The following BCAP29 variants were observed in gnomAD, a reference collection of about 807,000 sequenced individuals.
The protein encoded by BCAP29 is B-cell receptor-associated protein 29.
Under a neutral mutation model 31.8 loss-of-function variants are expected in BCAP29, and 34 were observed. The ratio of observed to expected loss-of-function variants is 1.07; its 90% confidence interval spans 0.81 to 1.42. The LOEUF (loss-of-function observed/expected upper bound fraction) is 1.42, where lower values mean the gene tolerates loss of function less well. Ranked by LOEUF, BCAP29 falls within the 40% of genes most tolerant of loss-of-function variation. The pLI is 0.00. For missense variants in BCAP29, 314 were observed against 269.2 expected (o/e 1.17, Z -1.16); for synonymous variants, 104 against 91.3 (o/e 1.14, Z -0.79).
intron 6 of BCAP29, among the ~76,000 whole-genome samples, chr7:107,606,168 T>C (rs188554172): frequency 1.3e-5 from 2 of 152,228 alleles, no homozygotes; most frequent in Admixed American, 6.5e-5. Flanking sequence ...GCTGTTCATA[T>C]AGCTTTTGCT....
intron 2 of BCAP29, among the ~76,000 whole-genome samples, chr7:107,583,376 T>C (rs1488719291): frequency 6.6e-6 from 1 of 152,144 alleles, no homozygotes; most frequent in Non-Finnish European, 1.5e-5. Flanking sequence ...ATGTGTATAA[T>C]ACCTGGGTAG....
Position 107,594,053 on chromosome 7 carries a change from T to C in BCAP29, c.292T>C (p.Phe98Leu), listed in dbSNP as rs753081487. The change falls in exon 4 of 8, where the codon TTT becomes CTT. Residue 98 changes from phenylalanine (F) to leucine (L), a missense_variant. Coordinates refer to ENST00000005259, the MANE Select transcript of BCAP29 (RefSeq NM_018844.4). ...CTATGAACACACACAGATGAAACTT[T>C]TTAGGTCTCAAAGAAATCTTTACAT... ...DAYEHTQMKL[F>L]RSQRNLYISG... 4.3e-6 allele frequency: 7 copies of C among 1,613,834 alleles called. No individual in the cohort carries two copies. In the South Asian group the frequency reaches 5.5e-5, roughly 13 times the overall value.
In BCAP29 at chr7:107,620,327, T is replaced by G. The variant is rs1298793032; in HGVS notation, c.*1964T>G. On this transcript the variant is annotated 3_prime_UTR_variant, in exon 8 of 8. Transcript: ENST00000005259. The stretch of plus-strand genomic sequence containing the variant: ...GCTAAACATAAAATATTGCAGTGTA[T>G]TAGCCGGCTGTGGCTCCAGAGTCTG... 2 of 152,232 alleles carry G rather than the reference T, an allele frequency of 1.3e-5. No individual in the cohort carries two copies. The highest frequency in any genetic ancestry group is 4.8e-5 in the African/African-American group (2 of 41,462). 9.4% of individuals were successfully genotyped at this position (152,232 alleles called of 1,614,324 possible).
Position 107,618,775 on chromosome 7 carries a change from AAT to A in BCAP29, c.*414_*415del. 2 of 492,036 alleles carry A rather than the reference AAT, an allele frequency of 4.1e-6. No homozygotes were observed. Among genetic ancestry groups the A allele is most frequent in the Non-Finnish European group, 3.6e-6 (1 of 280,434 alleles). The allele number at this position is 492,036 out of a possible 1,614,324, so 30.5% of individuals were successfully genotyped here. On this transcript the variant is annotated 3_prime_UTR_variant, in exon 8 of 8. Coordinates refer to ENST00000005259, the MANE Select transcript of BCAP29 (RefSeq NM_018844.4). Reference sequence around the variant, plus strand: ...TTAATCAGATGATGATGTGTTTGAAAATAGTGTTCAATATCAGCAAATTTGTA... The same window carrying A: ...TTAATCAGATGATGATGTGTTTGAAAAGTGTTCAATATCAGCAAATTTGTA...
chr7:107,586,728 C>CCTT (rs1563126317), intron 3 of BCAP29, among the ~76,000 whole-genome samples: 6 of 131,590 alleles, frequency 4.6e-5, no homozygotes, highest in African/African-American at 1.4e-4. Flanking sequence ...TGTATTTATT[C>CCTT]TTTTTTTTTT....
intron 2 of BCAP29, among the ~76,000 whole-genome samples, chr7:107,582,984 G>A (rs1806975283): frequency 6.6e-6 from 1 of 152,046 alleles, no homozygotes; most frequent in Non-Finnish European, 1.5e-5. Context: ...GTTACTTGAA[G>A]TTGTCCTAAT....
intron 2 of BCAP29, among the ~76,000 whole-genome samples, chr7:107,583,102 A>G (rs1169385975): frequency 1.3e-5 from 2 of 152,066 alleles, no homozygotes; most frequent in African/African-American, 4.8e-5. Context: ...CCTTTCAACT[A>G]AAGTGTTACT....
intron 7 of BCAP29, chr7:107,615,145 C>G: frequency 2.2e-6 from 1 of 452,092 alleles, no homozygotes; most frequent in South Asian, 1.6e-5. Context: ...TTGAATGTCT[C>G]CATTGTTGAA....
At chr7:107,614,809 G>A (rs1409360369) in intron 7 of BCAP29, among the ~76,000 whole-genome samples, 2 of 152,204 alleles carry the variant, frequency 1.3e-5, no homozygotes, top group Admixed American at 6.5e-5. Flanking sequence ...GAGCAGATAG[G>A]TAGATTGTCA....
chr7:107,583,006 A>C (rs1425246565), intron 2 of BCAP29, among the ~76,000 whole-genome samples: 1 of 152,076 alleles, frequency 6.6e-6, no homozygotes, highest in Non-Finnish European at 1.5e-5. Flanking sequence ...TTAAATCTTA[A>C]ATGTGTCCTA....
chr7:107,580,101 C>T (rs1475133717), upstream of BCAP29: 3 of 152,272 alleles, frequency 2.0e-5, no homozygotes, highest in Non-Finnish European at 4.4e-5. Context: ...TCTGACCTGC[C>T]GCCAATTAGA....
At chr7:107,611,185 C>T (rs1228389494) in intron 6 of BCAP29, among the ~76,000 whole-genome samples, 1 of 152,156 alleles carries the variant, frequency 6.6e-6, no homozygotes, top group Non-Finnish European at 1.5e-5. Flanking sequence ...AGCCACGCCT[C>T]CCAATACGAT....
rs60442346 is a variant in BCAP29, at chr7:107,599,216, T to TAAATAATTATATATATTTATATATAA, written c.481-1180_481-1179insAATAATTATATATATTTATATATAAA. 5.5e-4 allele frequency among the ~76,000 whole-genome samples: 9 copies of TAAATAATTATATATATTTATATATAA among 16,316 alleles called. 1 individual carries two copies. Among genetic ancestry groups the TAAATAATTATATATATTTATATATAA allele is most frequent in the African/African-American group, 3.0e-3 (9 of 3,006 alleles). 10.7% of individuals were successfully genotyped at this position (16,316 alleles called of 152,430 possible). ...ATATAAATACATATTTATAAATATATATATACATAATTATATATATTTATA... is the reference window on the plus strand; with the variant it reads ...ATATAAATACATATTTATAAATATATAAATAATTATATATATTTATATATAAATATACATAATTATATATATTTATA... On this transcript the variant is annotated intron_variant, in intron 5 of 7. Transcript: ENST00000005259.
At chr7:107,591,237 G>A (rs1229839128) in intron 3 of BCAP29, among the ~76,000 whole-genome samples, 1 of 152,188 alleles carries the variant, frequency 6.6e-6, no homozygotes, top group Non-Finnish European at 1.5e-5. Context: ...AGGCATTTTT[G>A]TAGCAGTTGA....
chr7:107,597,727 A>T (rs191211677), intron 5 of BCAP29, among the ~76,000 whole-genome samples: 124 of 152,220 alleles, frequency 8.1e-4, no homozygotes, highest in African/African-American at 2.9e-3. Flanking sequence ...AAGCAGCCTG[A>T]CTCTAGAATC....
At chr7:107,606,425 A>G (rs1254361441) in intron 6 of BCAP29, among the ~76,000 whole-genome samples, 43 of 152,226 alleles carry the variant, frequency 2.8e-4, no homozygotes, top group Admixed American at 2.5e-3. Context: ...TTTTCACAGT[A>G]ACTTCCCTTT....
At chr7:107,600,175 A>T (rs1810895529) in intron 5 of BCAP29, 1 of 553,740 alleles carries the variant, frequency 1.8e-6, no homozygotes, top group Non-Finnish European at 3.3e-6. Context: ...TCTTATGTTC[A>T]TTTTACAGAT....
downstream of BCAP29, chr7:107,622,247 G>A (rs1815042640): frequency 5.8e-6 from 1 of 172,622 alleles, no homozygotes; most frequent in African/African-American, 2.4e-5. Flanking sequence ...CACTAATCAT[G>A]TCATTCCCTG....
chr7:107,591,927 G>A (rs962272604), intron 3 of BCAP29, among the ~76,000 whole-genome samples: 2 of 151,882 alleles, frequency 1.3e-5, no homozygotes, highest in Non-Finnish European at 2.9e-5. Flanking sequence ...TTCAGAATGT[G>A]AGAACTTTCT....
Sources: allele counts gnomAD v4.1 joint callset (sites outside exome capture counted in the v4.1 genomes callset), GRCh38; gene constraint gnomAD v4.1.1; transcripts MANE v1.5; gene names NCBI Gene and HGNC (gene_info 2026-07-23, HGNC 2026-07-21).